Variants in RYR1 observed in about 807,000 individuals in gnomAD.
The protein encoded by RYR1 is central core disease of muscle.
Under a neutral mutation model 583.5 loss-of-function variants are expected in RYR1, and 342 were observed. The ratio of observed to expected loss-of-function variants is 0.59; its 90% CI spans 0.54 to 0.64. The LOEUF is 0.64. RYR1 is among the 30% of genes least tolerant of loss of function. The probability of loss-of-function intolerance (pLI) is 0.00; values close to 1 mark genes in which losing one functional copy is unlikely to be tolerated. For missense variants in RYR1, 6,032 were observed against 6,917.2 expected (o/e 0.87, Z 4.54); for synonymous variants, 2,791 against 2,822.5 (o/e 0.99, Z 0.35).
At chr19:38,484,114 G>T (rs552903160) in intron 33 of RYR1, among the ~76,000 whole-genome samples, 1 of 151,880 alleles carries the variant, frequency 6.6e-6, no homozygotes, top group East Asian at 1.9e-4. Flanking sequence ...GTCACCTGAG[G>T]TCAGGAGTCT....
At chr19:38,505,163 A>G in intron 52 of RYR1, 82 bp downstream of exon 52, 2 of 1,348,792 alleles carry the variant, frequency 1.5e-6, no homozygotes, top group Non-Finnish European at 2.1e-6. Flanking sequence ...GAGGCCCCAG[A>G]TCTCCCTGAG....
Position 38,443,535 on chromosome 19 carries a change from CTGT to C in RYR1, c.271-21_271-19del. 1 of 1,608,886 alleles carries C rather than the reference CTGT, an allele frequency of 6.2e-7. No individual in the cohort carries two copies. The highest frequency in any genetic ancestry group is 8.5e-7 in the Non-Finnish European group (1 of 1,176,228). ...GAGAGTCCGGGGATCTGTGCTTATT[CTGT>C]TCCCTCCCTCCCCCTGCAGTCATCC... is the stretch of plus-strand genomic sequence containing the variant. On this transcript the variant is annotated intron_variant, in intron 3 of 105. Transcript: ENST00000359596.
At position 38,561,761 on chromosome 19, in the gene RYR1, C is replaced by T. The variant is rs1973153961; in HGVS notation, c.12624+307C>T. ...CCATGCTTTCCCCTTACACCCACAC[C>T]CTGGGAGCTCTGGCAGGCCCTTATA... On this transcript the variant is annotated intron_variant, in intron 90 of 105. Coordinates refer to ENST00000359596, the MANE Select transcript of RYR1 (RefSeq NM_000540.3). The surrounding 1 kb of genome is among the most constrained non-coding windows in gnomAD (Gnocchi z 4.8). Among the ~76,000 whole-genome samples, 1 of 152,140 alleles carries T rather than the reference C, an allele frequency of 6.6e-6. No individual in the cohort carries two copies. Among genetic ancestry groups the T allele is most frequent in the South Asian group, 2.1e-4 (1 of 4,826 alleles).
In RYR1 at chr19:38,528,837, T is replaced by C; in HGVS notation, c.11035-114T>C. The stretch of plus-strand genomic sequence containing the variant: ...GCTCCTGGCTTGAGTAGAACCAAAG[T>C]AGGGCGCAGGATGTGGGAAAAGAGA... On this transcript the variant is annotated intron_variant, in intron 75 of 105. Transcript: ENST00000359596. The C allele has an allele frequency of 4.9e-6, 7 of 1,429,360 alleles. No individual in the cohort carries two copies. In the South Asian group the frequency reaches 7.1e-5, roughly 14 times the overall value. The allele number at this position is 1,429,360 out of a possible 1,614,324, so 88.5% of individuals were successfully genotyped here.
At chr19:38,491,434 C>CT (rs112294433) in intron 37 of RYR1, among the ~76,000 whole-genome samples, 10,384 of 136,104 alleles carry the variant, frequency 0.076, 1,178 homozygotes, top group African/African-American at 0.24. Context: ...TTTCATTTTG[C>CT]TTTTTTTTTT....
rs753200114 is a variant in RYR1 at position 38,510,478 on chromosome 19, C to A, written c.8933-20C>A. On this transcript the variant is annotated intron_variant, in intron 58 of 105. Coordinates refer to ENST00000359596, the MANE Select transcript of RYR1 (RefSeq NM_000540.3). ...CCCCAGCCTTGAACCCACTGTGAACCCTATTTGCCCTCCCTACAGAGGCTG... is the reference window on the plus strand; with the variant it reads ...CCCCAGCCTTGAACCCACTGTGAACACTATTTGCCCTCCCTACAGAGGCTG... 6.2e-7 allele frequency: 1 copy of A among 1,614,100 alleles called. No homozygotes were observed. Among genetic ancestry groups the A allele is most frequent in the Non-Finnish European group, 8.5e-7 (1 of 1,179,996 alleles).
At chr19:38,498,494 C>A (rs938020254) in intron 42 of RYR1, among the ~76,000 whole-genome samples, 1 of 152,098 alleles carries the variant, frequency 6.6e-6, no homozygotes, top group African/African-American at 2.4e-5. Flanking sequence ...GAATTCAGGG[C>A]AACTCCATAG....
intron 89 of RYR1, among the ~76,000 whole-genome samples, chr19:38,554,793 T>A (rs747035076): frequency 4.6e-5 from 7 of 152,176 alleles, no homozygotes; most frequent in Non-Finnish European, 8.8e-5. Context: ...TTTAGGTTAC[T>A]GATTTATTCC....
intron 75 of RYR1, 27 bp downstream of exon 75, chr19:38,528,722 G>T (rs147450893): frequency 3.1e-6 from 5 of 1,610,730 alleles, no homozygotes; most frequent in South Asian, 1.1e-5. Context: ...CTGGGGGAGT[G>T]GGGGGCGAGC....
chr19:38,501,229 G>A (rs1468347794), intron 47 of RYR1, among the ~76,000 whole-genome samples: 1 of 152,214 alleles, frequency 6.6e-6, no homozygotes, highest in Non-Finnish European at 1.5e-5. Context: ...GTCAGGCGTG[G>A]TGACTCGCGC....
At chr19:38,465,535 C>T (rs1266269378) in intron 23 of RYR1, among the ~76,000 whole-genome samples, 3 of 152,060 alleles carry the variant, frequency 2.0e-5, no homozygotes, top group Admixed American at 6.6e-5. Context: ...GAGGCCGAGG[C>T]GGGCGGATCA....
At position 38,504,867 on chromosome 19, in the gene RYR1, G is replaced by A; in HGVS notation, c.8187G>A (p.Val2729=). The A allele has an allele frequency of 6.2e-7, 1 of 1,614,152 alleles. No individual in the cohort carries two copies. The highest frequency in any genetic ancestry group is 1.1e-5 in the South Asian group (1 of 91,076). ...YSSKAEKKAT[V]DAEGNFDPRP... ...CTAAGGCAGAGAAAAAGGCCACAGT[G>A]GATGCTGAAGGCAACTTTGATCCCC... The change falls in exon 51 of 106, where the codon GTG becomes GTA. Residue 2729 remains valine, a synonymous_variant. Transcript: ENST00000359596.
At chr19:38,521,549 G>A (rs1410876254) in intron 67 of RYR1, among the ~76,000 whole-genome samples, 1 of 150,850 alleles carries the variant, frequency 6.6e-6, no homozygotes, top group Non-Finnish European at 1.5e-5. Context: ...AGCCGGGCGT[G>A]GTGGCGCATA....
intron 83 of RYR1, among the ~76,000 whole-genome samples, chr19:38,537,302 C>T (rs572836460): frequency 1.3e-5 from 2 of 152,274 alleles, no homozygotes; most frequent in South Asian, 4.1e-4. Context: ...CCTCCCCTAC[C>T]GCCCACCATG....
In RYR1 at chr19:38,535,176, C is replaced by T; in HGVS notation, c.11395C>T (p.Leu3799=). 6.2e-7 allele frequency: 1 copy of T among 1,614,132 alleles called. No individual in the cohort carries two copies. Among genetic ancestry groups the T allele is most frequent in the Non-Finnish European group, 8.5e-7 (1 of 1,180,030 alleles). Residue 3799 remains leucine, a synonymous_variant, in exon 80 of 106, where the codon CTG becomes TTG. Transcript: ENST00000359596. ...TGAMVSSTLK[L]GISILNGGNA... ...TGCCATGGTGTCCTCCACCCTGAAG[C>T]TGGGCATCTCCATCCTCAATGGAGG...
rs925107701 is a variant in RYR1 at position 38,580,205 on chromosome 19, G to A, written c.14511+77G>A. 5.6e-6 allele frequency: 9 copies of A among 1,606,990 alleles called. No homozygotes were observed. In the African/African-American group the frequency reaches 8.0e-5, roughly 14 times the overall value. On this transcript the variant is annotated intron_variant, in intron 100 of 105. Coordinates refer to ENST00000359596, the MANE Select transcript of RYR1 (RefSeq NM_000540.3). ...AGTGGGTGGTGAAGGGATAAGGGCC[G>A]GGCAGCTGGGCTGAGGAGGGGCAAG...
At chr19:38,492,682 G>C in intron 38 of RYR1, 46 bp downstream of exon 38, 2 of 1,560,114 alleles carry the variant, frequency 1.3e-6, no homozygotes, top group South Asian at 1.2e-5. Context: ...GGGGTGGGTA[G>C]CCCCATGCCT....
At chr19:38,485,256 G>A (rs1451892093) in intron 33 of RYR1, among the ~76,000 whole-genome samples, 3 of 152,094 alleles carry the variant, frequency 2.0e-5, no homozygotes, top group Admixed American at 6.6e-5. Flanking sequence ...TATCCCAGGG[G>A]CCCCCAGATC....
At chr19:38,461,721 G>GAAAAAAAAAAAAAAAAAAAAA (rs34209906) in intron 20 of RYR1, among the ~76,000 whole-genome samples, 1 of 75,108 alleles carries the variant, frequency 1.3e-5, no homozygotes, top group Non-Finnish European at 2.4e-5. Flanking sequence ...GCAAAACCCT[G>GAAAAAAAAAAAAAAAAAAAAA]AAAAAAAAAA....
Sources: allele counts gnomAD v4.1 joint callset (sites outside exome capture counted in the v4.1 genomes callset), GRCh38; gene constraint gnomAD v4.1.1; non-coding constraint Gnocchi (gnomAD v3.1); transcripts MANE v1.5; gene names NCBI Gene and HGNC (gene_info 2026-07-23, HGNC 2026-07-21).